The following GALNT13 variants were observed in gnomAD, a reference collection of about 807,000 sequenced individuals.
GALNT13 encodes the protein UDP-GalNAc:polypeptide N-acetylgalactosaminyltransferase 13.
In GALNT13, 28 loss-of-function variants were observed where a neutral mutation model predicts 64.2. That is an observed-to-expected ratio of 0.44 (90% CI 0.32 to 0.60). GALNT13 has a LOEUF of 0.60. GALNT13 is among the 20% of genes least tolerant of loss of function. The pLI, the probability that GALNT13 is intolerant of heterozygous loss-of-function variation, is 0.05. For missense variants in GALNT13, 577 were observed against 669.8 expected (o/e 0.86, Z 1.53); for synonymous variants, 214 against 224.6 (o/e 0.95, Z 0.42).
chr2:153,450,977 C>A, the GALNT13 span, among the ~76,000 whole-genome samples: 2 of 152,086 alleles, frequency 1.3e-5, no homozygotes, highest in Non-Finnish European at 2.9e-5. Flanking sequence ...TGAAGTTCAA[C>A]CATAAATACA....
chr2:153,497,009 A>G, the GALNT13 span, among the ~76,000 whole-genome samples: 59 of 151,318 alleles, frequency 3.9e-4, no homozygotes, highest in South Asian at 4.8e-3. Flanking sequence ...AAAAAAAAAA[A>G]AAAAGAAAAA....
intron 4 of GALNT13, among the ~76,000 whole-genome samples, chr2:154,179,187 A>G (rs1685821586): frequency 6.6e-6 from 1 of 152,148 alleles, no homozygotes; most frequent in South Asian, 2.1e-4. Context: ...CATTACCAGA[A>G]CATTCTGTTT....
the GALNT13 span, among the ~76,000 whole-genome samples, chr2:153,348,898 T>A: frequency 6.6e-6 from 1 of 152,210 alleles, no homozygotes; most frequent in Admixed American, 6.5e-5. Flanking sequence ...TGAGCTTGCC[T>A]CTGAGGACAG....
chr2:154,277,090 TG>T (rs1318706679), intron 8 of GALNT13, among the ~76,000 whole-genome samples: 2 of 152,206 alleles, frequency 1.3e-5, no homozygotes, highest in African/African-American at 4.8e-5. Flanking sequence ...GTAGAACATC[TG>T]ATTTCCTGCC....
At chr2:154,132,441 C>T (rs1185172590) in intron 3 of GALNT13, among the ~76,000 whole-genome samples, 1 of 151,942 alleles carries the variant, frequency 6.6e-6, no homozygotes, top group East Asian at 1.9e-4. Flanking sequence ...AAATATTCTT[C>T]TATGCATCAT....
chr2:153,972,727 G>T (rs904899639), intron 3 of GALNT13, among the ~76,000 whole-genome samples: 1 of 151,940 alleles, frequency 6.6e-6, no homozygotes, highest in Non-Finnish European at 1.5e-5. Flanking sequence ...TTGTGATGCA[G>T]ATACTTCCCT....
chr2:153,229,363 A>G, the GALNT13 span, among the ~76,000 whole-genome samples: 1 of 152,124 alleles, frequency 6.6e-6, no homozygotes, highest in Non-Finnish European at 1.5e-5. Flanking sequence ...TAGCCAGGCT[A>G]TTGCTATCAT....
At chr2:153,506,721 T>A in the GALNT13 span, among the ~76,000 whole-genome samples, 1 of 152,228 alleles carries the variant, frequency 6.6e-6, no homozygotes, top group Non-Finnish European at 1.5e-5. Context: ...GTTACTCTTA[T>A]AGGTTTTCCT....
the GALNT13 span, among the ~76,000 whole-genome samples, chr2:153,669,853 A>G: frequency 1.3e-5 from 2 of 151,940 alleles, no homozygotes; most frequent in Non-Finnish European, 1.5e-5. Flanking sequence ...TGCAGCCAGC[A>G]GACCAGGAGA....
chr2:153,992,891 A>G lies in GALNT13; in HGVS notation c.142+48252A>G, dbSNP rs1228690259. Among the ~76,000 whole-genome samples the G allele has an allele frequency of 3.3e-5, 5 of 152,176 alleles. No individual in the cohort carries two copies. The South Asian group carries it at 1.0e-3, about 32-fold the overall frequency. ...TTTTTATTGATGCTTATAGAAGTAA[A>G]CTAATATTCATTTTATTTGGACATC... On this transcript the variant is annotated intron_variant, in intron 3 of 12. Transcript: ENST00000392825.
chr2:153,543,744 C>T, the GALNT13 span, among the ~76,000 whole-genome samples: 15 of 152,194 alleles, frequency 9.9e-5, no homozygotes, highest in African/African-American at 3.6e-4. Flanking sequence ...TATAGGTCAC[C>T]TTACGAATAC....
the GALNT13 span, among the ~76,000 whole-genome samples, chr2:153,103,413 A>G: frequency 6.6e-6 from 1 of 152,024 alleles, no homozygotes. Context: ...TTTCCTGCCC[A>G]CTCTACATAG....
the GALNT13 span, among the ~76,000 whole-genome samples, chr2:153,822,782 G>T: frequency 6.6e-6 from 1 of 152,174 alleles, no homozygotes; most frequent in African/African-American, 2.4e-5. Context: ...CAAGCAACCA[G>T]GCAATAGAAA....
At chr2:153,267,878 C>A in the GALNT13 span, among the ~76,000 whole-genome samples, 1 of 152,248 alleles carries the variant, frequency 6.6e-6, no homozygotes, top group African/African-American at 2.4e-5. Flanking sequence ...AACAAGAGTT[C>A]CAACTTCAGA....
the GALNT13 span, among the ~76,000 whole-genome samples, chr2:153,189,878 A>G: frequency 2.6e-5 from 4 of 152,048 alleles, no homozygotes; most frequent in Non-Finnish European, 5.9e-5. Flanking sequence ...TGATTCATAT[A>G]TCTGTTGTCC....
intron 9 of GALNT13, among the ~76,000 whole-genome samples, chr2:154,390,377 C>T (rs1698729500): frequency 6.6e-6 from 1 of 152,182 alleles, no homozygotes; most frequent in Admixed American, 6.5e-5. Context: ...TCTTTCTCCT[C>T]CCACCCTCCA....
At chr2:153,608,682 CATAT>C in the GALNT13 span, among the ~76,000 whole-genome samples, 1 of 147,042 alleles carries the variant, frequency 6.8e-6, no homozygotes, top group East Asian at 2.0e-4. Context: ...ATATATGTCT[CATAT>C]ATTTATAAAA....
chr2:153,212,367 T>A, the GALNT13 span, among the ~76,000 whole-genome samples: 1 of 152,192 alleles, frequency 6.6e-6, no homozygotes, highest in Non-Finnish European at 1.5e-5. Flanking sequence ...AATTCTTTAA[T>A]TATTCTACAT....
intron 9 of GALNT13, among the ~76,000 whole-genome samples, chr2:154,335,535 C>T (rs1695395090): frequency 6.6e-6 from 1 of 151,974 alleles, no homozygotes; most frequent in Admixed American, 6.6e-5. Context: ...TGAGTTATTA[C>T]ACTGCCAAAA....
Sources: gnomAD v4.1 joint callset for allele counts (sites outside exome capture counted in the v4.1 genomes callset) on GRCh38, gnomAD v4.1.1 for gene constraint, MANE v1.5 for transcripts, NCBI Gene and HGNC (gene_info 2026-07-23, HGNC 2026-07-21) for gene names.